The following MED1 variants were observed in gnomAD, a reference collection of about 807,000 sequenced individuals.
MED1 encodes mediator of RNA polymerase II transcription subunit 1.
Under a neutral mutation model 121.3 loss-of-function variants are expected in MED1, and 17 were observed. That is an observed-to-expected ratio of 0.14 (90% CI 0.10 to 0.21). The LOEUF is 0.21. MED1 is among the 10% of genes least tolerant of loss of function. The pLI is 1.00. For synonymous variants in MED1, 661 were observed against 694.4 expected (o/e 0.95, Z 0.76); for missense variants, 1,558 against 1,919.4 (o/e 0.81, Z 3.52).
chr17:39,444,380 G>T (rs772245256), intron 2 of MED1, among the ~76,000 whole-genome samples: 2 of 151,734 alleles, frequency 1.3e-5, no homozygotes, highest in Non-Finnish European at 2.9e-5. Flanking sequence ...GGTGGTGCAC[G>T]CCTATAGTCC....
In MED1 at chr17:39,451,235, G is replaced by T. The variant is rs1383394077; in HGVS notation, c.-173C>A. 1 of 658,874 alleles carries T rather than the reference G, an allele frequency of 1.5e-6. No individual in the cohort carries two copies. The highest frequency in any genetic ancestry group is 2.5e-6 in the Non-Finnish European group (1 of 392,456). The allele number at this position is 658,874 out of a possible 1,614,324, so 40.8% of individuals were successfully genotyped here. On this transcript the variant is annotated 5_prime_UTR_variant, in exon 1 of 17. Coordinates refer to ENST00000300651, the MANE Select transcript of MED1 (RefSeq NM_004774.4). ...CGGCAAGAAGAGAAGGGTGCTCGAG[G>T]CCGCCGCCATCTTCCCCAACGGAAC...
chr17:39,440,763 C>T lies in MED1; in HGVS notation c.212-86G>A. ...TTTAAGACAGAAAGATTCATCCTTC[C>T]AAAACCGTAAACATATTCAGTAGTT... On this transcript the variant is annotated intron_variant, in intron 3 of 16. Coordinates refer to ENST00000300651, the MANE Select transcript of MED1 (RefSeq NM_004774.4). This position sits in a 1 kb window ranked among gnomAD's most constrained non-coding sequence, Gnocchi z 4.1. 1 of 1,294,752 alleles carries T rather than the reference C, an allele frequency of 7.7e-7. No individual in the cohort carries two copies. The highest frequency in any genetic ancestry group is 1.1e-6 in the Non-Finnish European group (1 of 911,046). The allele number at this position is 1,294,752 out of a possible 1,614,324, so 80.2% of individuals were successfully genotyped here.
intron 9 of MED1, among the ~76,000 whole-genome samples, 181 bp from the exon 10 acceptor site, chr17:39,427,971 C>G (rs1417392584): frequency 6.6e-6 from 1 of 152,062 alleles, no homozygotes; most frequent in Admixed American, 6.6e-5. Flanking sequence ...AATCCTGGCT[C>G]TCTGGGAGGC....
rs767387030 is a variant in MED1 at position 39,410,634 on chromosome 17, T to C, written c.1587A>G (p.Ala529=). ...QADTPALSLI[A]ETVEDMVKKN... The stretch of plus-strand genomic sequence containing the variant: ...TTTTCACCATGTCTTCAACTGTCTC[T>C]GCAATGAGGGACAGTGCTGGGGTGT... The change falls in exon 17 of 17, where the codon GCA becomes GCG. Residue 529 remains alanine (A), a synonymous_variant. Coordinates refer to ENST00000300651, the MANE Select transcript of MED1 (RefSeq NM_004774.4). The C allele has an allele frequency of 6.2e-7, 1 of 1,614,188 alleles. No individual in the cohort carries two copies. The highest frequency in any genetic ancestry group is 8.5e-7 in the Non-Finnish European group (1 of 1,180,038).
At chr17:39,434,493 G>A (rs775155997) in intron 6 of MED1, among the ~76,000 whole-genome samples, 173 bp from the exon 7 acceptor site, 1 of 152,094 alleles carries the variant, frequency 6.6e-6, no homozygotes, top group African/African-American at 2.4e-5. Context: ...CAAAAGAAAA[G>A]AAAATATTTT....
chr17:39,413,523 AAG>A (rs1365845629), intron 16 of MED1, among the ~76,000 whole-genome samples: 1 of 152,026 alleles, frequency 6.6e-6, no homozygotes, highest in Non-Finnish European at 1.5e-5. Flanking sequence ...TGGCCTCCCA[AAG>A]TGCTGGATTA....
chr17:39,411,897 C>T (rs1054209512), intron 16 of MED1, among the ~76,000 whole-genome samples: 6 of 151,650 alleles, frequency 4.0e-5, no homozygotes, highest in African/African-American at 1.5e-4. Flanking sequence ...GTAATCCCAA[C>T]TACTTGGGAG....
intron 1 of MED1, among the ~76,000 whole-genome samples, 197 bp downstream of exon 1, chr17:39,450,841 A>G (rs547217255): frequency 1.3e-5 from 2 of 152,246 alleles, no homozygotes; most frequent in African/African-American, 4.8e-5. Context: ...ACAGAAGTTG[A>G]GAGTCCCCAT....
Position 39,443,594 on chromosome 17 carries a change from T to G in MED1, c.167A>C (p.Gln56Pro). 6.2e-7 allele frequency: 1 copy of G among 1,614,044 alleles called. No homozygotes were observed. Among genetic ancestry groups the G allele is most frequent in the Non-Finnish European group, 8.5e-7 (1 of 1,179,972 alleles). ...TGTCTCCAAACAGCTGACCAAATGT[T>G]GATGCCCTCCAGAACTCATCACAAC... ...KRVVMSSGGHQHLVSCLETLQ... is the reference protein window; with the variant it reads ...KRVVMSSGGHPHLVSCLETLQ... The change falls in exon 3 of 17, where the codon CAA (glutamine) becomes CCA (proline). Residue 56 changes from glutamine (Q) to proline (P), a missense_variant. Physicochemically the swap from Gln to Pro is moderately conservative, Grantham distance 76. Around this residue, in one of 5 missense-constraint regions of MED1, gnomAD observed 443 missense variants for 532.4 expected, o/e 0.83. Coordinates refer to ENST00000300651, the MANE Select transcript of MED1 (RefSeq NM_004774.4).
chr17:39,422,566 T>C lies in MED1; in HGVS notation c.1095+761A>G, dbSNP rs367646856. On this transcript the variant is annotated intron_variant, in intron 13 of 16. Transcript: ENST00000300651. ...ATCTTGGCTCACTGCAACCTCTGCCTCCCGGGTTAAGTGATTCTCCTGCCT... is the reference window on the plus strand; with the variant it reads ...ATCTTGGCTCACTGCAACCTCTGCCCCCCGGGTTAAGTGATTCTCCTGCCT... 7.5e-5 allele frequency among the ~76,000 whole-genome samples: 10 copies of C among 133,798 alleles called. No individual in the cohort carries two copies. The East Asian group carries it at 2.5e-3, about 33-fold the overall frequency. The allele number at this position is 133,798 out of a possible 152,430, so 87.8% of individuals were successfully genotyped here.
At chr17:39,439,729 G>C (rs1453701428) in intron 5 of MED1, among the ~76,000 whole-genome samples, 1 of 152,092 alleles carries the variant, frequency 6.6e-6, no homozygotes, top group Non-Finnish European at 1.5e-5. Flanking sequence ...CTTGAGGTCA[G>C]GAGCTGGAGA....
intron 8 of MED1, 131 bp from the exon 9 acceptor site, chr17:39,431,319 C>G (rs920410028): frequency 3.7e-5 from 26 of 708,276 alleles, no homozygotes; most frequent in Non-Finnish European, 5.8e-5. Flanking sequence ...CTCTTGTCGC[C>G]CAGGCTGAAG....
chr17:39,445,120 C>T (rs1236146333), intron 2 of MED1, among the ~76,000 whole-genome samples: 1 of 152,068 alleles, frequency 6.6e-6, no homozygotes, highest in Non-Finnish European at 1.5e-5. Context: ...AGAAGAGGTG[C>T]TCTGGTCAAT....
At chr17:39,429,181 A>G (rs2048542000) in intron 9 of MED1, among the ~76,000 whole-genome samples, 1 of 150,616 alleles carries the variant, frequency 6.6e-6, no homozygotes, top group East Asian at 2.0e-4. Context: ...TGAGACCCCC[A>G]TCTCTAAAAA....
At position 39,427,090 on chromosome 17, in the gene MED1, A is replaced by G. The variant is rs544986898; in HGVS notation, c.739+611T>C. 1.3e-4 allele frequency among the ~76,000 whole-genome samples: 20 copies of G among 152,242 alleles called. No homozygotes were observed. In the South Asian group the frequency reaches 3.9e-3, roughly 30 times the overall value. On this transcript the variant is annotated intron_variant, in intron 10 of 16. Coordinates refer to ENST00000300651, the MANE Select transcript of MED1 (RefSeq NM_004774.4). ...CATAAACTACCAGGCCCATCCTTCT[A>G]CACTTTTTAAACAATGAGTAAGCTG...
chr17:39,441,114 GA>G (rs1334379315), intron 3 of MED1, among the ~76,000 whole-genome samples: 1 of 152,106 alleles, frequency 6.6e-6, no homozygotes, highest in Admixed American at 6.6e-5. Flanking sequence ...ACATAAAGAG[GA>G]GTATTTTTCA....
intron 11 of MED1, among the ~76,000 whole-genome samples, chr17:39,424,194 T>C (rs1348158890): frequency 6.6e-6 from 1 of 152,158 alleles, no homozygotes; most frequent in Non-Finnish European, 1.5e-5. Context: ...CAAACACCTA[T>C]TCTTAAACAT....
At chr17:39,431,519 T>C (rs1567648309) in intron 8 of MED1, among the ~76,000 whole-genome samples, 1 of 152,132 alleles carries the variant, frequency 6.6e-6, no homozygotes, top group Admixed American at 6.6e-5. Context: ...CCTCAGGTGA[T>C]CCGCCCGCCT....
At chr17:39,430,167 T>G (rs917395029) in intron 9 of MED1, among the ~76,000 whole-genome samples, 6 of 151,678 alleles carry the variant, frequency 4.0e-5, no homozygotes, top group Admixed American at 2.0e-4. Flanking sequence ...GGAGGATCAC[T>G]TGAAGTCAGG....
Sources: gnomAD v4.1 joint callset for allele counts (sites outside exome capture counted in the v4.1 genomes callset) on GRCh38, gnomAD v4.1.1 for gene constraint, gnomAD v4.1.1 regional missense constraint, Gnocchi (gnomAD v3.1) non-coding constraint, MANE v1.5 for transcripts, NCBI Gene and HGNC (gene_info 2026-07-23, HGNC 2026-07-21) for gene names.